The following RANBP2 variants were observed in gnomAD, a reference collection of about 807,000 sequenced individuals.
RANBP2 encodes RAN binding protein 2.
Under a neutral mutation model 303.6 loss-of-function variants are expected in RANBP2, and 57 were observed. The ratio of observed to expected loss-of-function variants is 0.19; its 90% CI spans 0.15 to 0.23. RANBP2 has a LOEUF of 0.23. Among genes scored for constraint, RANBP2 ranks in the 10% least tolerant of loss-of-function variants. RANBP2 has a pLI of 1.00. For missense variants in RANBP2, 3,138 were observed against 3,780.8 expected (o/e 0.83, Z 4.46); for synonymous variants, 1,167 against 1,301.5 (o/e 0.90, Z 2.23).
chr2:109,190,450 A>G, the RANBP2 span, among the ~76,000 whole-genome samples: 1 of 152,248 alleles, frequency 6.6e-6, no homozygotes, highest in Non-Finnish European at 1.5e-5. Context: ...CTGGGGTTAT[A>G]GGCGTGAGCC....
the RANBP2 span, among the ~76,000 whole-genome samples, chr2:109,078,543 T>C: frequency 6.7e-6 from 1 of 148,600 alleles, no homozygotes; most frequent in African/African-American, 2.4e-5. Context: ...GTGATGTTGG[T>C]CAAAGGATAT....
the RANBP2 span, among the ~76,000 whole-genome samples, chr2:109,054,170 G>A: frequency 6.6e-6 from 1 of 152,162 alleles, no homozygotes; most frequent in Non-Finnish European, 1.5e-5. Context: ...AAGAGGCAGG[G>A]TTGCCAGGGT....
the RANBP2 span, among the ~76,000 whole-genome samples, chr2:109,467,333 A>G: frequency 6.6e-6 from 1 of 152,408 alleles, no homozygotes; most frequent in South Asian, 2.1e-4. Context: ...TGATACACAC[A>G]GCAATGGAAG....
At chr2:109,613,929 G>C in the RANBP2 span, 1 of 1,221,708 alleles carries the variant, frequency 8.2e-7, no homozygotes, top group Non-Finnish European at 1.0e-6. Context: ...AGCAACGGGC[G>C]GGGCGCGAGG....
chr2:109,360,610 A>G, the RANBP2 span, among the ~76,000 whole-genome samples: 1 of 152,230 alleles, frequency 6.6e-6, no homozygotes, highest in African/African-American at 2.4e-5. Context: ...CAAGCATTTC[A>G]AATAAAAGAT....
At chr2:109,030,710 C>T in the RANBP2 span, among the ~76,000 whole-genome samples, 4 of 152,140 alleles carry the variant, frequency 2.6e-5, no homozygotes, top group Non-Finnish European at 5.9e-5. Flanking sequence ...GTTTATATAA[C>T]CCACTTCTTA....
chr2:109,249,850 AATTTTTTT>A, the RANBP2 span, among the ~76,000 whole-genome samples: 1 of 147,860 alleles, frequency 6.8e-6, no homozygotes, highest in Non-Finnish European at 1.5e-5. Flanking sequence ...TTTATTTTTT[AATTTTTTT>A]ATTTTTTAGT....
the RANBP2 span, chr2:109,436,852 C>T: frequency 6.2e-7 from 1 of 1,600,838 alleles, no homozygotes; most frequent in African/African-American, 1.3e-5. Context: ...ACGAATGCCT[C>T]TGAGCCTCTC....
chr2:109,365,633 C>T, the RANBP2 span, among the ~76,000 whole-genome samples: 1 of 152,116 alleles, frequency 6.6e-6, no homozygotes, highest in Non-Finnish European at 1.5e-5. Context: ...CTTTAACAAC[C>T]AACTCCTAAT....
At chr2:109,016,721 T>C in the RANBP2 span, among the ~76,000 whole-genome samples, 1 of 152,142 alleles carries the variant, frequency 6.6e-6, no homozygotes, top group Non-Finnish European at 1.5e-5. Context: ...GCCAGTGGGC[T>C]CCCAGCCAGG....
At chr2:109,326,621 T>G in the RANBP2 span, among the ~76,000 whole-genome samples, 1 of 152,250 alleles carries the variant, frequency 6.6e-6, no homozygotes, top group Admixed American at 6.5e-5. Context: ...TTTCAGGTCT[T>G]TGGGGACCAT....
chr2:109,168,799 C>G, the RANBP2 span, among the ~76,000 whole-genome samples: 1 of 152,234 alleles, frequency 6.6e-6, no homozygotes, highest in African/African-American at 2.4e-5. Flanking sequence ...AACAGTAGAT[C>G]TCTGTCTTCC....
chr2:108,742,047 A>G (rs1466877490), intron 7 of RANBP2, among the ~76,000 whole-genome samples: 1 of 151,892 alleles, frequency 6.6e-6, no homozygotes, highest in East Asian at 1.9e-4. Flanking sequence ...CCCAGGCTGG[A>G]GTGCAGTGGC....
the RANBP2 span, among the ~76,000 whole-genome samples, chr2:109,649,452 C>T: frequency 5.3e-5 from 8 of 151,906 alleles, no homozygotes; most frequent in African/African-American, 1.7e-4. Flanking sequence ...GGCTGGAGTG[C>T]GGTGGCGTGA....
intron 5 of RANBP2, 96 bp downstream of exon 5, chr2:108,735,858 T>A: frequency 6.3e-7 from 1 of 1,591,936 alleles, no homozygotes; most frequent in Non-Finnish European, 8.5e-7. Context: ...ACTTAAAATT[T>A]CTTTTATTTA....
In RANBP2 at chr2:108,783,393, A is replaced by G. The variant is rs146814677; in HGVS notation, c.9370-203A>G. On this transcript the variant is annotated intron_variant, in intron 28 of 28. Coordinates refer to ENST00000283195, the MANE Select transcript of RANBP2 (RefSeq NM_006267.5). ...TTTTCAGTACTTGAGATCTAGTAGA[A>G]ACTAAGGGATGGGAAAAACCTTTTC... 1.8e-3 allele frequency among the ~76,000 whole-genome samples: 270 copies of G among 151,380 alleles called. 2 individuals carry two copies. Among genetic ancestry groups the G allele is most frequent in the African/African-American group, 6.4e-3 (262 of 41,158 alleles).
the RANBP2 span, chr2:109,504,118 T>G: frequency 1.3e-5 from 2 of 152,238 alleles, no homozygotes; most frequent in African/African-American, 4.8e-5. Context: ...ATGATGTAGC[T>G]CGCAGAGAAG....
the RANBP2 span, among the ~76,000 whole-genome samples, chr2:109,636,334 A>G: frequency 1.3e-4 from 20 of 152,246 alleles, no homozygotes; most frequent in African/African-American, 4.8e-4. Context: ...TAAAAATAAT[A>G]TGCCTTCTGA....
the RANBP2 span, among the ~76,000 whole-genome samples, chr2:109,335,605 C>CT: frequency 0.018 from 2,728 of 152,306 alleles, 98 homozygotes; most frequent in African/African-American, 0.063. Context: ...CACTTAACCA[C>CT]TTTCTGACAT....
Sources: gnomAD v4.1 joint callset for allele counts (sites outside exome capture counted in the v4.1 genomes callset) on GRCh38, gnomAD v4.1.1 for gene constraint, MANE v1.5 for transcripts, NCBI Gene and HGNC (gene_info 2026-07-23, HGNC 2026-07-21) for gene names.